Variants in HTR4 observed in about 807,000 individuals in gnomAD.
The protein encoded by HTR4 is 5-hydroxytryptamine (serotonin) receptor 4, G protein-coupled.
Under a neutral mutation model 36.8 loss-of-function variants are expected in HTR4, and 16 were observed. That is an observed-to-expected ratio of 0.43 (90% CI 0.29 to 0.66). The LOEUF is 0.66. HTR4 is among the 30% of genes least tolerant of loss of function. The pLI, the probability that HTR4 is intolerant of heterozygous loss-of-function variation, is 0.13. For missense variants in HTR4, 438 were observed against 490.9 expected, an observed-to-expected ratio of 0.89 and a Z score of 1.02; for synonymous variants, 189 against 185.1, an observed-to-expected ratio of 1.02 and a Z score of -0.17.
chr5:148,584,933 C>T (rs906925393), intron 2 of HTR4, among the ~76,000 whole-genome samples: 2 of 152,182 alleles, frequency 1.3e-5, no homozygotes, highest in African/African-American at 4.8e-5. Flanking sequence ...ATTGATATCA[C>T]TGGCTGGCTG....
chr5:148,619,440 T>C (rs1474373583), intron 2 of HTR4, among the ~76,000 whole-genome samples: 1 of 151,166 alleles, frequency 6.6e-6, no homozygotes, highest in Non-Finnish European at 1.5e-5. Flanking sequence ...TTTTGAAAAC[T>C]AGGCAATCAT....
intron 6 of HTR4, among the ~76,000 whole-genome samples, chr5:148,500,026 T>C (rs1756866209): frequency 6.6e-6 from 1 of 152,118 alleles, no homozygotes; most frequent in Non-Finnish European, 1.5e-5. Context: ...ATTAGACAAA[T>C]AAACCTCTTT....
At chr5:148,626,907 T>C (rs1753130845) in intron 2 of HTR4, among the ~76,000 whole-genome samples, 1 of 152,202 alleles carries the variant, frequency 6.6e-6, no homozygotes, top group Admixed American at 6.5e-5. Flanking sequence ...TTTACCTGAA[T>C]GTTCCACAGT....
intron 4 of HTR4, among the ~76,000 whole-genome samples, chr5:148,542,358 A>T (rs1759159376): frequency 6.6e-6 from 1 of 152,222 alleles, no homozygotes; most frequent in South Asian, 2.1e-4. Context: ...TTTATACATT[A>T]CAAAATCGAA....
At chr5:148,609,885 C>G (rs1752342549) in intron 2 of HTR4, among the ~76,000 whole-genome samples, 1 of 152,102 alleles carries the variant, frequency 6.6e-6, no homozygotes, top group African/African-American at 2.4e-5. Context: ...CTGTGCCCAG[C>G]TGGTATTTTT....
chr5:148,635,413 A>G (rs1753498294), intron 2 of HTR4, among the ~76,000 whole-genome samples: 1 of 152,144 alleles, frequency 6.6e-6, no homozygotes, highest in Non-Finnish European at 1.5e-5. Context: ...ATCTGGTTAG[A>G]AAACTGACAG....
intron 5 of HTR4, among the ~76,000 whole-genome samples, chr5:148,470,553 C>G (rs1347467616): frequency 6.6e-6 from 1 of 152,130 alleles, no homozygotes; most frequent in Non-Finnish European, 1.5e-5. Flanking sequence ...CCTTGTTTTC[C>G]TGTTTGATTG....
At chr5:148,583,734 T>G (rs1231766990) in intron 2 of HTR4, among the ~76,000 whole-genome samples, 1 of 152,046 alleles carries the variant, frequency 6.6e-6, no homozygotes, top group Non-Finnish European at 1.5e-5. Context: ...ATCTGGGCCA[T>G]GTAAAAACTG....
At chr5:148,559,528 T>A (rs528926327) in intron 2 of HTR4, among the ~76,000 whole-genome samples, 1 of 152,254 alleles carries the variant, frequency 6.6e-6, no homozygotes, top group South Asian at 2.1e-4. Flanking sequence ...GTAATTGTTT[T>A]AAAGTATATA....
chr5:148,506,692 C>G (rs1353163394), intron 6 of HTR4, among the ~76,000 whole-genome samples: 1 of 152,164 alleles, frequency 6.6e-6, no homozygotes. Context: ...AAACAAACAA[C>G]CCCATCAACA....
chr5:148,493,980 C>T (rs1201219312), intron 6 of HTR4, among the ~76,000 whole-genome samples: 1 of 152,198 alleles, frequency 6.6e-6, no homozygotes, highest in Non-Finnish European at 1.5e-5. Context: ...GCAGAAACCT[C>T]TGAGGATCCA....
intron 2 of HTR4, among the ~76,000 whole-genome samples, chr5:148,569,034 A>G (rs1007794100): frequency 2.6e-5 from 4 of 152,088 alleles, no homozygotes; most frequent in African/African-American, 9.7e-5. Flanking sequence ...TGCATAAACA[A>G]TGAAACCAGG....
At chr5:148,490,867 T>C (rs1438197691) in intron 6 of HTR4, 1 of 484,510 alleles carries the variant, frequency 2.1e-6, no homozygotes, top group Non-Finnish European at 3.9e-6. Context: ...ATAAAAACAA[T>C]AATTATGACC....
intron 6 of HTR4, chr5:148,484,227 G>A (rs1453540110): frequency 1.9e-6 from 3 of 1,594,980 alleles, no homozygotes; most frequent in Non-Finnish European, 2.6e-6. Context: ...GGTAAAAAAT[G>A]TTGAGCAAGA....
chr5:148,482,849 G>A lies in HTR4; in HGVS notation c.*354C>T, dbSNP rs1319374710. 1.8e-6 allele frequency: 2 copies of A among 1,105,750 alleles called. No homozygotes were observed. Among genetic ancestry groups the A allele is most frequent in the Non-Finnish European group, 2.2e-6 (2 of 900,252 alleles). The allele number at this position is 1,105,750 out of a possible 1,614,324, so 68.5% of individuals were successfully genotyped here. The stretch of plus-strand genomic sequence containing the variant: ...GGCGTATTTGGAGACATCAGTGACC[G>A]AGATAGGACGCAGCAAGCTATCGTG... On this transcript the variant is annotated 3_prime_UTR_variant, in exon 7 of 7. Coordinates refer to ENST00000377888, the MANE Select transcript of HTR4 (RefSeq NM_000870.7).
chr5:148,648,112 G>T (rs1245782098), intron 1 of HTR4, among the ~76,000 whole-genome samples: 1 of 152,172 alleles, frequency 6.6e-6, no homozygotes. Context: ...CTATACGAGT[G>T]TTCACTATAT....
chr5:148,559,206 CA>C (rs1760084045), intron 2 of HTR4, among the ~76,000 whole-genome samples: 2 of 152,098 alleles, frequency 1.3e-5, no homozygotes, highest in African/African-American at 4.8e-5. Flanking sequence ...GATCAAAATT[CA>C]ATATTGGAAA....
chr5:148,616,987 C>T (rs554277505), intron 2 of HTR4, among the ~76,000 whole-genome samples: 1 of 152,324 alleles, frequency 6.6e-6, no homozygotes, highest in African/African-American at 2.4e-5. Context: ...CCATAGTTAG[C>T]TTTATTAATT....
At chr5:148,591,251 G>A in intron 2 of HTR4, among the ~76,000 whole-genome samples, 1 of 152,122 alleles carries the variant, frequency 6.6e-6, no homozygotes, top group East Asian at 1.9e-4. Context: ...ATAGTTTGAA[G>A]TGAGTAACAT....
Sources: allele counts gnomAD v4.1 joint callset (sites outside exome capture counted in the v4.1 genomes callset), GRCh38; gene constraint gnomAD v4.1.1; transcripts MANE v1.5; gene names NCBI Gene and HGNC (gene_info 2026-07-23, HGNC 2026-07-21).